Variants in FGF9 observed in about 807,000 individuals in gnomAD.
FGF9 encodes the protein fibroblast growth factor 9 (glia-activating factor).
Under a neutral mutation model 19.9 loss-of-function variants are expected in FGF9, and 3 were observed. The observed-to-expected ratio is 0.15, with a 90% CI of 0.07 to 0.39. The LOEUF (loss-of-function observed/expected upper bound fraction) is 0.39, where lower values mean the gene tolerates loss of function less well. Among genes scored for constraint, FGF9 ranks in the 10% least tolerant of loss-of-function variants. The pLI is 1.00. For missense variants in FGF9, 175 were observed against 256.8 expected, an observed-to-expected ratio of 0.68 and a Z score of 2.18; for synonymous variants, 107 against 106.9, an observed-to-expected ratio of 1.00 and a Z score of -0.01.
chr13:21,703,707 A>G lies in FGF9; in HGVS notation c.*2272A>G, dbSNP rs1287815993. On this transcript the variant is annotated 3_prime_UTR_variant, in exon 3 of 3. Transcript: ENST00000382353. ...ATCAAGTTTCTAGGATGTCATAGGT[A>G]TACTATGTAGCACTGAAAAAATTGA... The G allele has an allele frequency of 6.6e-6, 1 of 152,128 alleles. No homozygotes were observed. The highest frequency in any genetic ancestry group is 1.5e-5 in the Non-Finnish European group (1 of 68,026). The allele number at this position is 152,128 out of a possible 1,614,324, so 9.4% of individuals were successfully genotyped here.
chr13:21,673,091 C>A (rs1871807709), intron 1 of FGF9, among the ~76,000 whole-genome samples: 2 of 151,996 alleles, frequency 1.3e-5, no homozygotes, highest in Admixed American at 1.3e-4. Context: ...ACCCTGAGCC[C>A]AACGGCACGA....
At chr13:21,695,490 G>T (rs7981581) in intron 2 of FGF9, among the ~76,000 whole-genome samples, 9,938 of 152,156 alleles carry the variant, frequency 0.065, 1,018 homozygotes, top group African/African-American at 0.22. Context: ...CTGGGTGGGA[G>T]CTTCTCATGA....
At position 21,671,943 on chromosome 13, in the gene FGF9, T is replaced by C; in HGVS notation, c.31T>C (p.Phe11Leu). 7 of 1,614,224 alleles carry C rather than the reference T, an allele frequency of 4.3e-6. No homozygotes were observed. The highest frequency in any genetic ancestry group is 5.9e-6 in the Non-Finnish European group (7 of 1,180,036). MAPLGEVGNY[F>L]GVQDAVPFGN... Reference sequence around the variant, plus strand: ...TCCCTTAGGTGAAGTTGGGAACTATTTCGGTGTGCAGGATGCGGTACCGTT... The same window carrying C: ...TCCCTTAGGTGAAGTTGGGAACTATCTCGGTGTGCAGGATGCGGTACCGTT... The change falls in exon 1 of 3, where the codon TTC becomes CTC. Residue 11 changes from phenylalanine (F) to leucine (L), a missense_variant. This residue lies in a region of FGF9 where 69 missense variants were observed against 73.6 expected (regional missense o/e 0.94). Transcript: ENST00000382353.
At chr13:21,683,210 T>A (rs1247118681) in intron 2 of FGF9, among the ~76,000 whole-genome samples, 1 of 152,242 alleles carries the variant, frequency 6.6e-6, no homozygotes, top group African/African-American at 2.4e-5. Flanking sequence ...TCTAATTTTG[T>A]GTTCAGCAAA....
chr13:21,684,712 A>G (rs1872120103), intron 2 of FGF9, among the ~76,000 whole-genome samples: 1 of 152,204 alleles, frequency 6.6e-6, no homozygotes, highest in East Asian at 1.9e-4. Context: ...TAAGATGAAG[A>G]GCTCGAGTTA....
intron 1 of FGF9, among the ~76,000 whole-genome samples, chr13:21,676,818 C>A (rs923400571): frequency 5.3e-5 from 8 of 152,214 alleles, no homozygotes; most frequent in African/African-American, 1.9e-4. Context: ...GACTGCCTTC[C>A]TCTCCCACTG....
intron 2 of FGF9, among the ~76,000 whole-genome samples, chr13:21,688,861 T>C (rs1046475835): frequency 5.9e-5 from 9 of 152,060 alleles, no homozygotes; most frequent in Non-Finnish European, 1.2e-4. Context: ...TTTAAAATAA[T>C]GTATCTATTT....
In FGF9 at chr13:21,672,361, C is replaced by T. The variant is rs1871789603; in HGVS notation, c.277+172C>T. Among the ~76,000 whole-genome samples, 1 of 152,152 alleles carries T rather than the reference C, an allele frequency of 6.6e-6. No homozygotes were observed. Among genetic ancestry groups the T allele is most frequent in the Non-Finnish European group, 1.5e-5 (1 of 68,028 alleles). The stretch of plus-strand genomic sequence containing the variant: ...CTTGCCAGCTCCGAAAAAAAAATGC[C>T]TCCGGAATTGCAGATCTGCTGCTGG... On this transcript the variant is annotated intron_variant, in intron 1 of 2. Transcript: ENST00000382353. The surrounding 1 kb of genome is among the most constrained non-coding windows in gnomAD (Gnocchi z 4.2).
chr13:21,684,885 G>T (rs753248937), intron 2 of FGF9, among the ~76,000 whole-genome samples: 12 of 152,168 alleles, frequency 7.9e-5, no homozygotes, highest in African/African-American at 2.2e-4. Flanking sequence ...GTAAGGAGCT[G>T]GGAGGGAGGC....
intron 1 of FGF9, among the ~76,000 whole-genome samples, chr13:21,678,981 A>AAGAAT (rs1005360095): frequency 7.9e-5 from 12 of 152,244 alleles, no homozygotes; most frequent in Admixed American, 7.9e-4. Context: ...TTTGACTCAG[A>AAGAAT]AGAATAGTAC....
chr13:21,692,849 A>G (rs1305713338), intron 2 of FGF9, among the ~76,000 whole-genome samples: 1 of 152,252 alleles, frequency 6.6e-6, no homozygotes, highest in African/African-American at 2.4e-5. Flanking sequence ...ATTATATATT[A>G]AAATGCCAAC....
chr13:21,675,012 TGTG>T (rs1234820553), intron 1 of FGF9, among the ~76,000 whole-genome samples: 2 of 13,814 alleles, frequency 1.4e-4, no homozygotes, highest in South Asian at 2.0e-3. Flanking sequence ...TTGCGGGGGA[TGTG>T]GGGGCTGGGG....
rs369367902 is a variant in FGF9 at position 21,672,220 on chromosome 13, T to A, written c.277+31T>A. 3 of 1,613,144 alleles carry A rather than the reference T, an allele frequency of 1.9e-6. No homozygotes were observed. Among genetic ancestry groups the A allele is most frequent in the Non-Finnish European group, 2.5e-6 (3 of 1,179,386 alleles). ...TATACCATTAACCCTTTAGTGTCCATGAGATGACATGTTGAAATTATAACT... is the reference window on the plus strand; with the variant it reads ...TATACCATTAACCCTTTAGTGTCCAAGAGATGACATGTTGAAATTATAACT... On this transcript the variant is annotated intron_variant, in intron 1 of 2. Coordinates refer to ENST00000382353, the MANE Select transcript of FGF9 (RefSeq NM_002010.3). The surrounding 1 kb of genome is among the most constrained non-coding windows in gnomAD (Gnocchi z 4.2).
At chr13:21,684,230 A>G (rs756351942) in intron 2 of FGF9, among the ~76,000 whole-genome samples, 42 of 152,310 alleles carry the variant, frequency 2.8e-4, no homozygotes, top group Admixed American at 4.6e-4. Flanking sequence ...GGGCCCTAGG[A>G]ATACTTTGTT....
At chr13:21,685,646 G>A (rs1322811610) in intron 2 of FGF9, among the ~76,000 whole-genome samples, 2 of 152,286 alleles carry the variant, frequency 1.3e-5, no homozygotes, top group East Asian at 3.9e-4. Flanking sequence ...GACTCATCCA[G>A]CACTGTGATG....
intron 2 of FGF9, among the ~76,000 whole-genome samples, chr13:21,699,508 G>A (rs1035678772): frequency 3.3e-5 from 5 of 152,156 alleles, no homozygotes; most frequent in African/African-American, 7.2e-5. Context: ...TAAGCCTTTG[G>A]ATTAGGGAGG....
At chr13:21,696,448 A>G (rs1230191573) in intron 2 of FGF9, among the ~76,000 whole-genome samples, 2 of 152,240 alleles carry the variant, frequency 1.3e-5, no homozygotes, top group African/African-American at 4.8e-5. Context: ...AAACAGCTAT[A>G]GTTAAATAAT....
chr13:21,699,514 G>A (rs901661101), intron 2 of FGF9, among the ~76,000 whole-genome samples: 2 of 152,114 alleles, frequency 1.3e-5, no homozygotes, highest in Non-Finnish European at 2.9e-5. Context: ...TTTGGATTAG[G>A]GAGGGGACCT....
chr13:21,686,460 A>G (rs545544494), intron 2 of FGF9, among the ~76,000 whole-genome samples: 3 of 152,362 alleles, frequency 2.0e-5, no homozygotes, highest in African/African-American at 4.8e-5. Context: ...TCTTTAAAAA[A>G]CGTAGCTGGT....
Sources: allele counts gnomAD v4.1 joint callset (sites outside exome capture counted in the v4.1 genomes callset), GRCh38; gene constraint gnomAD v4.1.1; regional missense constraint gnomAD v4.1.1; non-coding constraint Gnocchi (gnomAD v3.1); transcripts MANE v1.5; gene names NCBI Gene and HGNC (gene_info 2026-07-23, HGNC 2026-07-21).